LTBP2: variants seen among roughly 807,000 people sequenced by gnomAD.
LTBP2 encodes the protein latent transforming growth factor beta binding protein 2, also known as latent-transforming growth factor beta-binding protein 2.
A neutral mutation model predicts 210.6 loss-of-function variants in LTBP2; 103 were observed. The ratio of observed to expected loss-of-function variants is 0.49; its 90% confidence interval spans 0.42 to 0.58. LTBP2 has a LOEUF of 0.58. Ranked by LOEUF, LTBP2 falls within the 20% of genes least tolerant of loss-of-function variation. The probability of loss-of-function intolerance (pLI) is 0.00; values close to 1 mark genes in which losing one functional copy is unlikely to be tolerated. For missense variants in LTBP2, 2,313 were observed against 2,494.5 expected (o/e 0.93, Z 1.55); for synonymous variants, 1,007 against 1,015.0 (o/e 0.99, Z 0.15).
intron 1 of LTBP2, among the ~76,000 whole-genome samples, chr14:74,611,047 C>T (rs1210574108): frequency 6.6e-6 from 1 of 152,234 alleles, no homozygotes; most frequent in Non-Finnish European, 1.5e-5. Flanking sequence ...TCTGAGCCAG[C>T]TCAACCTCCC....
Position 74,577,840 on chromosome 14 carries a change from C to T in LTBP2, c.830+8014G>A, listed in dbSNP as rs557934205. Among the ~76,000 whole-genome samples the T allele has an allele frequency of 7.9e-5, 12 of 152,104 alleles. 1 individual carries two copies. The East Asian group carries it at 1.4e-3, about 17-fold the overall frequency. ...CTCTTGAGCTTAGAGGAGATCCACA[C>T]TAGCCCTCTGATTTACAAATGCGGG... On this transcript the variant is annotated intron_variant, in intron 3 of 35. Coordinates refer to ENST00000261978, the MANE Select transcript of LTBP2 (RefSeq NM_000428.3).
At chr14:74,518,862 A>G (rs565662932) in intron 17 of LTBP2, among the ~76,000 whole-genome samples, 1 of 152,318 alleles carries the variant, frequency 6.6e-6, no homozygotes, top group African/African-American at 2.4e-5. Context: ...GTTCACTGTG[A>G]GAAGCTCTAA....
intron 2 of LTBP2, among the ~76,000 whole-genome samples, chr14:74,601,646 A>AG (rs2088448724): frequency 6.6e-6 from 1 of 152,214 alleles, no homozygotes; most frequent in African/African-American, 2.4e-5. Flanking sequence ...CAGGGCCACG[A>AG]GGCCTGAGGC....
intron 8 of LTBP2, among the ~76,000 whole-genome samples, chr14:74,544,014 A>T (rs2087548184): frequency 6.6e-6 from 1 of 152,182 alleles, no homozygotes. Context: ...GCCACATGTC[A>T]GTGACACCCA....
chr14:74,590,961 C>T (rs2139793518), intron 2 of LTBP2, among the ~76,000 whole-genome samples: 1 of 152,236 alleles, frequency 6.6e-6, no homozygotes, highest in South Asian at 2.1e-4. Flanking sequence ...ATCCATGTAA[C>T]CAAAAACCAT....
rs112509493 is a variant in LTBP2, at chr14:74,501,035, A to G, written c.5321-6T>C. 1.2e-6 allele frequency: 2 copies of G among 1,612,374 alleles called. No homozygotes were observed. The highest frequency in any genetic ancestry group is 4.5e-5 in the East Asian group (2 of 44,844). On this transcript the variant is annotated splice_region_variant and splice_polypyrimidine_tract_variant and intron_variant, in intron 35 of 35. Transcript: ENST00000261978. ...GTCATCACACTCATTCACATCTAAG[A>G]GGAAACAAAGGAGAGTGCTGTAGGG...
chr14:74,523,631 G>C (rs564441370), intron 15 of LTBP2, among the ~76,000 whole-genome samples: 5 of 152,274 alleles, frequency 3.3e-5, no homozygotes, highest in African/African-American at 9.6e-5. Context: ...ACTGGGACTC[G>C]GGGTTGAGGC....
rs751405742 is a variant in LTBP2, at chr14:74,535,884, C to G, written c.1864+42G>C. On this transcript the variant is annotated intron_variant, in intron 9 of 35. Coordinates refer to ENST00000261978, the MANE Select transcript of LTBP2 (RefSeq NM_000428.3). ...CCTCCTGTCTGGTGCTGGGAGTGTG[C>G]CCCGGCATCCTTGAGCCCAGCCCTG... The G allele has an allele frequency of 4.5e-6, 7 of 1,552,888 alleles. No homozygotes were observed. The African/African-American group carries it at 8.1e-5, about 18-fold the overall frequency.
intron 35 of LTBP2, 63 bp downstream of exon 35, chr14:74,501,378 G>A: frequency 1.1e-5 from 18 of 1,611,626 alleles, no homozygotes; most frequent in Non-Finnish European, 1.5e-5. Context: ...CAGCCTTCCT[G>A]AGTTCAGGCG....
At chr14:74,581,603 T>TC (rs2088137707) in intron 3 of LTBP2, among the ~76,000 whole-genome samples, 1 of 152,104 alleles carries the variant, frequency 6.6e-6, no homozygotes, top group African/African-American at 2.4e-5. Context: ...AAATGGGGCC[T>TC]CCGTCTTACA....
chr14:74,552,116 CCA>C, intron 6 of LTBP2, 69 bp downstream of exon 6: 1 of 1,415,680 alleles, frequency 7.1e-7, no homozygotes, highest in Admixed American at 2.0e-5. Context: ...CCTGTCACAG[CCA>C]TGGTGACAGC....
chr14:74,573,931 C>T (rs1222111916), intron 3 of LTBP2, among the ~76,000 whole-genome samples: 3 of 152,244 alleles, frequency 2.0e-5, no homozygotes, highest in South Asian at 2.1e-4. Context: ...CTTGATAGCA[C>T]GACTGGGGAG....
chr14:74,552,255 C>A lies in LTBP2; in HGVS notation c.1331G>T (p.Arg444Leu), dbSNP rs770291952. 9 of 1,612,890 alleles carry A rather than the reference C, an allele frequency of 5.6e-6. No homozygotes were observed. The highest frequency in any genetic ancestry group is 1.1e-5 in the South Asian group (1 of 91,070). ...TGGGGCTTCCAGCAAGGCCCTGGGG[C>A]GGGACCCCCTCCCTGGAGGCTCCCT... is the stretch of plus-strand genomic sequence containing the variant. Reference protein sequence around the residue: ...PDREPPGRGSRPRALLEAPLK... With the variant: ...PDREPPGRGSLPRALLEAPLK... The change falls in exon 6 of 36, where the codon CGC becomes CTC. Residue 444 changes from arginine (R) to leucine (L), a missense_variant. By Grantham distance (102) the Arg-to-Leu change is moderately radical. Transcript: ENST00000261978.
At chr14:74,566,228 G>A (rs776756125) in intron 3 of LTBP2, among the ~76,000 whole-genome samples, 1 of 152,186 alleles carries the variant, frequency 6.6e-6, no homozygotes, top group Non-Finnish European at 1.5e-5. Flanking sequence ...TTTGAGAAAT[G>A]TAAGAGGAAA....
At chr14:74,602,460 G>T (rs1235295608) in intron 2 of LTBP2, among the ~76,000 whole-genome samples, 1 of 152,180 alleles carries the variant, frequency 6.6e-6, no homozygotes, top group East Asian at 1.9e-4. Context: ...CAGAAATGAA[G>T]GTAAGATACC....
intron 8 of LTBP2, among the ~76,000 whole-genome samples, chr14:74,537,828 C>T (rs965051089): frequency 2.0e-5 from 3 of 152,248 alleles, no homozygotes; most frequent in Admixed American, 6.5e-5. Context: ...GACCTCGGCT[C>T]ACTGCAACCT....
intron 3 of LTBP2, among the ~76,000 whole-genome samples, chr14:74,567,023 C>T (rs907398961): frequency 2.0e-5 from 3 of 152,202 alleles, no homozygotes; most frequent in Admixed American, 6.5e-5. Flanking sequence ...GGGGCAGTCT[C>T]TCCTGTCCAG....
intron 3 of LTBP2, among the ~76,000 whole-genome samples, chr14:74,581,876 C>T (rs775513865): frequency 6.6e-6 from 1 of 152,030 alleles, no homozygotes; most frequent in Non-Finnish European, 1.5e-5. Flanking sequence ...GGAGAGGGAG[C>T]GACCAGGCAG....
intron 3 of LTBP2, among the ~76,000 whole-genome samples, chr14:74,565,000 G>A (rs2087883918): frequency 2.6e-5 from 4 of 152,172 alleles, no homozygotes; most frequent in South Asian, 2.1e-4. Context: ...TGCCCTTATG[G>A]TGAAGGTCTT....
Sources: gnomAD v4.1 joint callset for allele counts (sites outside exome capture counted in the v4.1 genomes callset) on GRCh38, gnomAD v4.1.1 for gene constraint, MANE v1.5 for transcripts, NCBI Gene and HGNC (gene_info 2026-07-23, HGNC 2026-07-21) for gene names.